UGT3A1: variants seen among roughly 807,000 people sequenced by gnomAD.
UGT3A1 encodes the protein UDP glycosyltransferase family 3 member A1.
A neutral mutation model predicts 37.6 loss-of-function variants in UGT3A1; 40 were observed. That is an observed-to-expected ratio of 1.06 (90% confidence interval 0.83 to 1.38). UGT3A1 has a LOEUF of 1.38. Ranked by LOEUF, UGT3A1 falls within the 40% of genes most tolerant of loss-of-function variation. The pLI is 0.00. For synonymous variants in UGT3A1, 256 were observed against 232.3 expected (o/e 1.10, Z -0.93); for missense variants, 642 against 634.2 (o/e 1.01, Z -0.13).
intron 2 of UGT3A1, among the ~76,000 whole-genome samples, chr5:35,968,715 G>T (rs1739916116): frequency 6.6e-6 from 1 of 151,682 alleles, no homozygotes; most frequent in Admixed American, 6.6e-5. Context: ...GAGTTTGACT[G>T]CTGACTCCTT....
At chr5:35,976,405 A>G (rs1414077071) in intron 2 of UGT3A1, among the ~76,000 whole-genome samples, 1 of 152,226 alleles carries the variant, frequency 6.6e-6, no homozygotes, top group Non-Finnish European at 1.5e-5. Flanking sequence ...CCAATTTAAG[A>G]AGGATAACTA....
At position 35,991,274 on chromosome 5, in the gene UGT3A1, G is replaced by A; in HGVS notation, c.-34C>T. On this transcript the variant is annotated 5_prime_UTR_variant, in exon 1 of 7. Transcript: ENST00000274278. ...CCACAGAAGCAGCGGATCTCAGCCT[G>A]GGCTGCGCGCCCTGCGCCGGGCTAA... 1 of 1,613,692 alleles carries A rather than the reference G, an allele frequency of 6.2e-7. No homozygotes were observed. Among genetic ancestry groups the A allele is most frequent in the Non-Finnish European group, 8.5e-7 (1 of 1,179,750 alleles).
chr5:35,955,758 C>G lies in UGT3A1; in HGVS notation c.1182G>C (p.Gln394His). ...PMVGLPVNGD[Q>H]HGNMVRVVAK... is the part of the protein sequence containing the mutation. ...CTACTACTCGGACCATGTTTCCATG[C>G]TGGTCTCCATTGACTGGTAATCCCA... The change falls in exon 6 of 7, where the codon CAG becomes CAC. Residue 394 changes from glutamine (Q) to histidine (H), a missense_variant. Gln to His is a conservative substitution (Grantham distance 24). Transcript: ENST00000274278. 1 of 1,614,196 alleles carries G rather than the reference C, an allele frequency of 6.2e-7. No individual in the cohort carries two copies. The highest frequency in any genetic ancestry group is 1.1e-5 in the South Asian group (1 of 91,088).
intron 4 of UGT3A1, among the ~76,000 whole-genome samples, chr5:35,958,247 C>T (rs1385268030): frequency 6.6e-6 from 1 of 152,120 alleles, no homozygotes; most frequent in Non-Finnish European, 1.5e-5. Context: ...AGCTACCTAG[C>T]CTATTTTTGT....
upstream of UGT3A1, chr5:35,991,712 C>T: frequency 1.1e-6 from 1 of 896,582 alleles, no homozygotes; most frequent in Non-Finnish European, 1.3e-6. Flanking sequence ...TCCATGCCCC[C>T]ATTTTCCCCA....
intron 2 of UGT3A1, among the ~76,000 whole-genome samples, chr5:35,979,652 A>G (rs1398371429): frequency 6.6e-6 from 1 of 151,912 alleles, no homozygotes; most frequent in Non-Finnish European, 1.5e-5. Context: ...AACTGTTCCA[A>G]CCTCTGCCTG....
chr5:35,999,754 G>C (rs772900550), intron 1 of UGT3A1, among the ~76,000 whole-genome samples: 6 of 152,124 alleles, frequency 3.9e-5, no homozygotes, highest in Non-Finnish European at 7.3e-5. Flanking sequence ...ATGGGGCCAA[G>C]GGTCATTTTC....
chr5:35,982,337 G>A (rs971687976), intron 2 of UGT3A1, among the ~76,000 whole-genome samples: 1 of 152,226 alleles, frequency 6.6e-6, no homozygotes, highest in African/African-American at 2.4e-5. Context: ...AGCCATAGGG[G>A]CTATACCTTG....
At chr5:35,967,011 C>A (rs1328328392) in intron 3 of UGT3A1, among the ~76,000 whole-genome samples, 1 of 152,024 alleles carries the variant, frequency 6.6e-6, no homozygotes, top group Non-Finnish European at 1.5e-5. Context: ...ACAGTATGAA[C>A]TTCCCAAAAG....
In UGT3A1 at chr5:35,957,403, A is replaced by G. The variant is rs1439150655; in HGVS notation, c.860T>C (p.Ile287Thr). Residue 287 changes from isoleucine (I) to threonine (T), a missense_variant, in exon 5 of 7, where the codon ATT (isoleucine) becomes ACT (threonine). Physicochemically the swap from Ile to Thr is moderately conservative, Grantham distance 89. Coordinates refer to ENST00000274278, the MANE Select transcript of UGT3A1 (RefSeq NM_152404.4). ...AAACCCTGCATCCCCAAAGTTGGCA[A>G]TGAAGTTGTCCAAGTCCTAGAGAGA... ...KPVPQDLDNF[I>T]ANFGDAGFVL... 3 of 1,613,992 alleles carry G rather than the reference A, an allele frequency of 1.9e-6. No homozygotes were observed. The African/African-American group carries it at 4.0e-5, about 22-fold the overall frequency.
chr5:35,954,981 G>A (rs900329143), intron 6 of UGT3A1: 2 of 162,076 alleles, frequency 1.2e-5, no homozygotes, highest in African/African-American at 4.8e-5. Flanking sequence ...AGGCTCTGCA[G>A]TAAGCACTGG....
chr5:35,992,326 CCAGA>C (rs1580968842), upstream of UGT3A1, among the ~76,000 whole-genome samples: 1 of 151,846 alleles, frequency 6.6e-6, no homozygotes, highest in Non-Finnish European at 1.5e-5. Flanking sequence ...AGAGAGAGAG[CCAGA>C]CAGACAGATG....
intron 4 of UGT3A1, among the ~76,000 whole-genome samples, chr5:35,959,104 T>C (rs1392464986): frequency 1.3e-5 from 2 of 152,114 alleles, no homozygotes; most frequent in African/African-American, 4.8e-5. Context: ...CAGTTGAGCA[T>C]ACAGAGGGAA....
In UGT3A1 at chr5:35,967,815, G is replaced by C. The variant is rs1374014; in HGVS notation, c.311+204C>G. Among the ~76,000 whole-genome samples the C allele has an allele frequency of 0.77, 116,937 of 152,056 alleles. 45,205 individuals are homozygous for C. The highest frequency in any genetic ancestry group is 0.84 in the South Asian group (4,072 of 4,822). On this transcript the variant is annotated intron_variant, in intron 3 of 6. Coordinates refer to ENST00000274278, the MANE Select transcript of UGT3A1 (RefSeq NM_152404.4). The stretch of plus-strand genomic sequence containing the variant: ...TCTACTCTATCCACTCAACCACCCA[G>C]CTGTCCTCTATTTCTCCATCCCCTC...
At chr5:35,965,259 G>A (rs916730479) in intron 4 of UGT3A1, 127 bp downstream of exon 4, 31 of 1,391,840 alleles carry the variant, frequency 2.2e-5, no homozygotes, top group Middle Eastern at 2.5e-4. Flanking sequence ...CTTTAAGAAC[G>A]TGCCCTAGGT....
At position 35,952,318 on chromosome 5, in the gene UGT3A1, C is replaced by T. The variant is rs1739214098; in HGVS notation, c.*1884G>A. 1 of 152,138 alleles carries T rather than the reference C, an allele frequency of 6.6e-6. No individual in the cohort carries two copies. The highest frequency in any genetic ancestry group is 1.5e-5 in the Non-Finnish European group (1 of 68,038). 9.4% of individuals were successfully genotyped at this position (152,138 alleles called of 1,614,324 possible). The stretch of plus-strand genomic sequence containing the variant: ...CTCCAGGTGTGCCTAGATTGGTAGC[C>T]AGGACCAAATCATAGAGCCCTTATA... On this transcript the variant is annotated 3_prime_UTR_variant, in exon 7 of 7. Coordinates refer to ENST00000274278, the MANE Select transcript of UGT3A1 (RefSeq NM_152404.4).
chr5:35,962,235 A>G (rs1167392708), intron 4 of UGT3A1: 2 of 152,308 alleles, frequency 1.3e-5, no homozygotes, highest in African/African-American at 4.8e-5. Flanking sequence ...ACCTGGGTTA[A>G]ATTCTGGAAA....
chr5:35,952,090 G>C lies in UGT3A1; in HGVS notation c.*2112C>G, dbSNP rs918062236. On this transcript the variant is annotated 3_prime_UTR_variant, in exon 7 of 7. Transcript: ENST00000274278. ...GAGAATGCAGTGAGCTCCATTTCAG[G>C]TGTAGTGGTCAGGCACAGGCTTACC... 70 of 152,204 alleles carry C rather than the reference G, an allele frequency of 4.6e-4. No homozygotes were observed. Among genetic ancestry groups the C allele is most frequent in the African/African-American group, 1.6e-3 (67 of 41,446 alleles). The allele number at this position is 152,204 out of a possible 1,614,324, so 9.4% of individuals were successfully genotyped here.
upstream of UGT3A1, among the ~76,000 whole-genome samples, chr5:35,994,035 TA>T (rs796184412): frequency 2.6e-5 from 4 of 151,576 alleles, no homozygotes; most frequent in South Asian, 2.1e-4. Flanking sequence ...ATTTGCTGTT[TA>T]AAAAAAAACT....
Sources: allele counts gnomAD v4.1 joint callset (sites outside exome capture counted in the v4.1 genomes callset), GRCh38; gene constraint gnomAD v4.1.1; transcripts MANE v1.5; gene names NCBI Gene and HGNC (gene_info 2026-07-23, HGNC 2026-07-21).